Variants in MEMO1 observed in about 807,000 individuals in gnomAD.
MEMO1 encodes protein MEMO1.
Under a neutral mutation model 45.2 loss-of-function variants are expected in MEMO1, and 6 were observed. The observed-to-expected ratio is 0.13, with a 90% CI of 0.07 to 0.26. The LOEUF (loss-of-function observed/expected upper bound fraction) is 0.26. MEMO1 is among the 10% of genes least tolerant of loss of function. The pLI is 1.00. For missense variants in MEMO1, 184 were observed against 370.5 expected (o/e 0.50, Z 4.13); for synonymous variants, 78 against 124.3 (o/e 0.63, Z 2.48).
At chr2:32,006,964 C>CAAAAAAAAAA (rs67557055) in intron 2 of MEMO1, among the ~76,000 whole-genome samples, 1 of 75,970 alleles carries the variant, frequency 1.3e-5, no homozygotes, top group East Asian at 4.0e-4. Flanking sequence ...GATTCCATCT[C>CAAAAAAAAAA]AAAAAAAAAA....
At chr2:31,979,200 G>C (rs551473529) in intron 2 of MEMO1, among the ~76,000 whole-genome samples, 1 of 152,074 alleles carries the variant, frequency 6.6e-6, no homozygotes. Context: ...CCCTCACTAC[G>C]ATGAGAACAG....
At chr2:31,953,606 C>A (rs1351376316) in intron 2 of MEMO1, among the ~76,000 whole-genome samples, 2 of 151,844 alleles carry the variant, frequency 1.3e-5, no homozygotes, top group African/African-American at 4.8e-5. Flanking sequence ...CAGATGTGCA[C>A]CACCATGTCC....
intron 2 of MEMO1, among the ~76,000 whole-genome samples, chr2:32,003,407 G>C (rs1194207982): frequency 6.6e-6 from 1 of 152,048 alleles, no homozygotes; most frequent in East Asian, 1.9e-4. Context: ...ACCACTATTT[G>C]CCAAGGGAAA....
intron 2 of MEMO1, among the ~76,000 whole-genome samples, chr2:32,007,429 T>C (rs1387889166): frequency 1.3e-5 from 2 of 152,188 alleles, no homozygotes; most frequent in African/African-American, 4.8e-5. Context: ...AAACTGAAAA[T>C]TCCTTGAGGG....
chr2:31,914,230 C>T (rs1681070066), intron 6 of MEMO1, among the ~76,000 whole-genome samples: 1 of 152,046 alleles, frequency 6.6e-6, no homozygotes, highest in South Asian at 2.1e-4. Flanking sequence ...CTCCACTGAC[C>T]CTACCAAATT....
chr2:31,874,422 G>A (rs1354794266), intron 8 of MEMO1, among the ~76,000 whole-genome samples: 1 of 151,886 alleles, frequency 6.6e-6, no homozygotes, highest in Non-Finnish European at 1.5e-5. Flanking sequence ...AACTACATTC[G>A]GTAGTTTGTT....
intron 2 of MEMO1, among the ~76,000 whole-genome samples, chr2:31,955,731 C>G (rs952207533): frequency 6.6e-6 from 1 of 152,100 alleles, no homozygotes; most frequent in Non-Finnish European, 1.5e-5. Flanking sequence ...GCCTCAGCCT[C>G]CCCAGTAGCT....
intron 2 of MEMO1, among the ~76,000 whole-genome samples, chr2:32,001,761 C>T (rs1228672225): frequency 1.3e-5 from 2 of 152,108 alleles, no homozygotes; most frequent in African/African-American, 4.8e-5. Context: ...TCCAAGTCTT[C>T]GTTTCTCATC....
intron 4 of MEMO1, among the ~76,000 whole-genome samples, chr2:31,930,805 C>G (rs1453306642): frequency 7.0e-6 from 1 of 143,140 alleles, no homozygotes; most frequent in Non-Finnish European, 1.5e-5. Context: ...GCCACCACGC[C>G]TGGCAATTTT....
intron 6 of MEMO1, among the ~76,000 whole-genome samples, chr2:31,899,714 C>G (rs185797838): frequency 6.6e-6 from 1 of 152,144 alleles, no homozygotes. Context: ...AGCTTCTTCA[C>G]GGCAAAAGAA....
intron 2 of MEMO1, among the ~76,000 whole-genome samples, chr2:32,001,575 C>T (rs1033026188): frequency 2.6e-5 from 4 of 152,160 alleles, no homozygotes; most frequent in Admixed American, 1.3e-4. Context: ...GAACAGTAGG[C>T]TTCAGCCAGA....
rs545898397 is a variant in MEMO1 at position 31,885,057 on chromosome 2, T to C, written c.581-1595A>G. Among the ~76,000 whole-genome samples the C allele has an allele frequency of 7.2e-5, 11 of 152,358 alleles. No homozygotes were observed. In the East Asian group the frequency reaches 1.3e-3, roughly 19 times the overall value. ...GCTTTATTTTTCTGTAAAGAATGTA[T>C]ATATTAATACTTCATACATAACAAT... On this transcript the variant is annotated intron_variant, in intron 7 of 9. Coordinates refer to ENST00000404530, the MANE Select transcript of MEMO1 (RefSeq NM_001301833.4).
intron 2 of MEMO1, among the ~76,000 whole-genome samples, chr2:31,974,069 ACTG>A (rs1669719669): frequency 6.6e-6 from 1 of 152,166 alleles, no homozygotes. Flanking sequence ...TAAAGCAGAA[ACTG>A]CTAATTGTTT....
intron 3 of MEMO1, among the ~76,000 whole-genome samples, chr2:31,933,469 A>G (rs1253997229): frequency 1.3e-5 from 2 of 148,978 alleles, no homozygotes; most frequent in Non-Finnish European, 3.0e-5. Context: ...AGGGTGATGA[A>G]TATGTTCGTT....
intron 2 of MEMO1, among the ~76,000 whole-genome samples, chr2:31,944,182 T>C (rs1015087076): frequency 1.4e-4 from 21 of 152,144 alleles, no homozygotes; most frequent in African/African-American, 4.8e-4. Context: ...AATACAACCA[T>C]ATAAACTTTA....
intron 2 of MEMO1, among the ~76,000 whole-genome samples, chr2:31,984,334 G>C (rs947451016): frequency 1.3e-5 from 2 of 152,120 alleles, no homozygotes; most frequent in African/African-American, 2.4e-5. Context: ...AAGAGGGGTG[G>C]GGAGGAAAAA....
chr2:31,992,654 G>A (rs1429793050), intron 2 of MEMO1, among the ~76,000 whole-genome samples: 2 of 152,100 alleles, frequency 1.3e-5, no homozygotes, highest in African/African-American at 2.4e-5. Context: ...TGTGGTGGCG[G>A]GAGCCTATAA....
intron 2 of MEMO1, chr2:31,963,414 A>C (rs1354967790): frequency 1.1e-6 from 1 of 915,680 alleles, no homozygotes; most frequent in Non-Finnish European, 1.4e-6. Flanking sequence ...GAAAGCTAAA[A>C]TATCTATGAC....
chr2:31,976,793 A>G (rs1670054562), intron 2 of MEMO1, among the ~76,000 whole-genome samples: 1 of 152,160 alleles, frequency 6.6e-6, no homozygotes, highest in African/African-American at 2.4e-5. Flanking sequence ...TTCAAGCAAG[A>G]GTATATATTT....
Sources: allele counts gnomAD v4.1 joint callset (sites outside exome capture counted in the v4.1 genomes callset), GRCh38; gene constraint gnomAD v4.1.1; transcripts MANE v1.5; gene names NCBI Gene and HGNC (gene_info 2026-07-23, HGNC 2026-07-21).